CAPSL: variants seen among roughly 807,000 people sequenced by gnomAD.
CAPSL encodes calcyphosin-like protein.
In CAPSL, 17 loss-of-function variants were observed where a neutral mutation model predicts 21.3. The ratio of observed to expected loss-of-function variants is 0.80; its 90% CI spans 0.55 to 1.20. The LOEUF is 1.20. Among genes scored for constraint, CAPSL ranks in the 50% most tolerant of loss-of-function variants. The probability of loss-of-function intolerance (pLI) is 0.00; values close to 1 mark genes in which losing one functional copy is unlikely to be tolerated. For missense variants in CAPSL, 289 were observed against 259.3 expected (o/e 1.11, Z -0.79); for synonymous variants, 102 against 89.3 (o/e 1.14, Z -0.80).
chr5:35,916,880 T>C (rs1186423766), intron 2 of CAPSL, among the ~76,000 whole-genome samples: 1 of 152,100 alleles, frequency 6.6e-6, no homozygotes, highest in Non-Finnish European at 1.5e-5. Context: ...CTAATTAAAC[T>C]AAAGAGCTTC....
chr5:35,918,699 G>A (rs913537885), intron 2 of CAPSL, among the ~76,000 whole-genome samples: 2 of 152,128 alleles, frequency 1.3e-5, no homozygotes, highest in Non-Finnish European at 2.9e-5. Flanking sequence ...TTATTAGCAA[G>A]TCATTTTTAA....
chr5:35,935,634 C>G (rs560669930), intron 1 of CAPSL, among the ~76,000 whole-genome samples: 1 of 152,148 alleles, frequency 6.6e-6, no homozygotes, highest in African/African-American at 2.4e-5. Context: ...GGTGCCCAGA[C>G]TGAAAGTTCA....
chr5:35,905,629 C>T (rs1046172833), intron 4 of CAPSL, among the ~76,000 whole-genome samples: 1 of 152,208 alleles, frequency 6.6e-6, no homozygotes, highest in Non-Finnish European at 1.5e-5. Context: ...ATTAGGATAC[C>T]ATTAGCATCC....
At chr5:35,936,269 C>T (rs1033004821) in intron 1 of CAPSL, among the ~76,000 whole-genome samples, 3 of 152,016 alleles carry the variant, frequency 2.0e-5, no homozygotes, top group Admixed American at 1.3e-4. Flanking sequence ...CTAAGGATGC[C>T]CTCTCTACCT....
chr5:35,914,651 T>C (rs567884496), intron 2 of CAPSL, among the ~76,000 whole-genome samples: 1 of 152,250 alleles, frequency 6.6e-6, no homozygotes, highest in Admixed American at 6.5e-5. Flanking sequence ...AAGATGTTCT[T>C]TGAAACCAAC....
intron 2 of CAPSL, 148 bp from the exon 3 acceptor site, chr5:35,910,691 G>A (rs1387077575): frequency 1.2e-5 from 7 of 568,102 alleles, no homozygotes; most frequent in Non-Finnish European, 2.1e-5. Flanking sequence ...TCCAAAACTG[G>A]AGAGCCTCTT....
intron 2 of CAPSL, among the ~76,000 whole-genome samples, 196 bp downstream of exon 2, chr5:35,920,788 C>A (rs143065971): frequency 6.6e-6 from 1 of 152,134 alleles, no homozygotes; most frequent in African/African-American, 2.4e-5. Context: ...TGAGTCTTGC[C>A]GAATCTGGGA....
At chr5:35,919,105 G>C (rs1738464976) in intron 2 of CAPSL, among the ~76,000 whole-genome samples, 1 of 147,628 alleles carries the variant, frequency 6.8e-6, no homozygotes, top group Non-Finnish European at 1.5e-5. Flanking sequence ...GTTTGGATTG[G>C]ATACTAAGTC....
At chr5:35,909,007 GCTGA>G (rs1399871751) in intron 4 of CAPSL, among the ~76,000 whole-genome samples, 3 of 151,978 alleles carry the variant, frequency 2.0e-5, no homozygotes, top group Non-Finnish European at 4.4e-5. Context: ...CTGTGCTGCT[GCTGA>G]CTGTTACTCA....
intron 1 of CAPSL, among the ~76,000 whole-genome samples, chr5:35,924,025 A>G (rs1475776548): frequency 2.0e-5 from 3 of 152,124 alleles, no homozygotes; most frequent in Non-Finnish European, 4.4e-5. Flanking sequence ...AATTTAAAAA[A>G]AAAATTTAAA....
chr5:35,917,257 C>T (rs569232821), intron 2 of CAPSL, among the ~76,000 whole-genome samples: 22 of 152,282 alleles, frequency 1.4e-4, no homozygotes, highest in African/African-American at 4.8e-4. Context: ...AACACTTTTA[C>T]ACTGTTGGTG....
chr5:35,914,224 C>T (rs1738309965), intron 2 of CAPSL, among the ~76,000 whole-genome samples: 1 of 152,144 alleles, frequency 6.6e-6, no homozygotes, highest in African/African-American at 2.4e-5. Flanking sequence ...CCTTAGAAAC[C>T]TACAAAGAGA....
chr5:35,910,781 C>G (rs1328769153), intron 2 of CAPSL, among the ~76,000 whole-genome samples: 1 of 151,896 alleles, frequency 6.6e-6, no homozygotes, highest in Non-Finnish European at 1.5e-5. Flanking sequence ...ACTGTGGAGA[C>G]AGTAAAAAGA....
chr5:35,937,344 T>A (rs540737703), intron 1 of CAPSL, among the ~76,000 whole-genome samples: 2 of 152,348 alleles, frequency 1.3e-5, no homozygotes, highest in East Asian at 3.9e-4. Context: ...CTTTCCTATG[T>A]CTCCAGCCAT....
At chr5:35,932,413 C>T (rs1359737641) in intron 1 of CAPSL, among the ~76,000 whole-genome samples, 3 of 152,064 alleles carry the variant, frequency 2.0e-5, no homozygotes, top group East Asian at 1.9e-4. Flanking sequence ...ACACTCCAAG[C>T]AAAAGAAAAG....
In CAPSL at chr5:35,905,349, T is replaced by G. The variant is rs16902567; in HGVS notation, c.526-703A>C. On this transcript the variant is annotated intron_variant, in intron 4 of 4. Coordinates refer to ENST00000651391, the MANE Select transcript of CAPSL (RefSeq NM_001042625.2). ...TTATTTTTAACAGGTCTAGATAATATGTACACTCTAATTTAATCATGTTGG... is the reference window on the plus strand; with the variant it reads ...TTATTTTTAACAGGTCTAGATAATAGGTACACTCTAATTTAATCATGTTGG... 2.0e-3 allele frequency among the ~76,000 whole-genome samples: 301 copies of G among 152,298 alleles called. 1 individual carries two copies. Among genetic ancestry groups the G allele is most frequent in the African/African-American group, 7.0e-3 (290 of 41,570 alleles).
intron 2 of CAPSL, among the ~76,000 whole-genome samples, chr5:35,913,019 T>G (rs1306047829): frequency 6.6e-6 from 1 of 152,144 alleles, no homozygotes; most frequent in Non-Finnish European, 1.5e-5. Flanking sequence ...TTAAAGGACC[T>G]GACGGAGCTG....
intron 1 of CAPSL, among the ~76,000 whole-genome samples, chr5:35,927,262 C>A (rs1455980113): frequency 1.3e-5 from 2 of 152,164 alleles, no homozygotes; most frequent in African/African-American, 2.4e-5. Flanking sequence ...TTGTTCCGAG[C>A]CTCTGTCCCA....
chr5:35,912,807 C>T (rs1738266941), intron 2 of CAPSL, among the ~76,000 whole-genome samples: 1 of 152,172 alleles, frequency 6.6e-6, no homozygotes, highest in Non-Finnish European at 1.5e-5. Flanking sequence ...GAGTGCCTCT[C>T]CTCCTCCAAA....
Sources: allele counts gnomAD v4.1 joint callset (sites outside exome capture counted in the v4.1 genomes callset), GRCh38; gene constraint gnomAD v4.1.1; transcripts MANE v1.5; gene names NCBI Gene and HGNC (gene_info 2026-07-23, HGNC 2026-07-21).